The following SMIM17 variants were observed in gnomAD, a reference collection of about 807,000 sequenced individuals.
The protein encoded by SMIM17 is small integral membrane protein 17.
A neutral mutation model predicts 12.2 loss-of-function variants in SMIM17; 10 were observed. The ratio of observed to expected loss-of-function variants is 0.82; its 90% CI spans 0.50 to 1.39. The LOEUF (loss-of-function observed/expected upper bound fraction) is 1.39. Ranked by LOEUF, SMIM17 falls within the 40% of genes most tolerant of loss-of-function variation. The pLI, the probability that SMIM17 is intolerant of heterozygous loss-of-function variation, is 0.00. For synonymous variants in SMIM17, 50 were observed against 44.1 expected, an observed-to-expected ratio of 1.13 and a Z score of -0.53; for missense variants, 136 against 118.2, an observed-to-expected ratio of 1.15 and a Z score of -0.70.
chr19:56,645,682 G>A lies in SMIM17; in HGVS notation c.15G>A (p.Arg5=). ...CTCCTGGGGCAATGCAGAGTCTCAG[G>A]CCTGAGCAGACACGGGGGCTGCTGG... MQSL[R]PEQTRGLLEP... The change falls in exon 2 of 4, where the codon AGG becomes AGA. Residue 5 remains arginine, a synonymous_variant. Transcript: ENST00000598409. The A allele has an allele frequency of 6.5e-7, 1 of 1,531,558 alleles. No homozygotes were observed. Among genetic ancestry groups the A allele is most frequent in the Non-Finnish European group, 8.7e-7 (1 of 1,145,296 alleles). The allele number at this position is 1,531,558 out of a possible 1,614,324, so 94.9% of individuals were successfully genotyped here.
At chr19:56,654,638 T>G (rs1298044055) in intron 3 of SMIM17, among the ~76,000 whole-genome samples, 1 of 152,044 alleles carries the variant, frequency 6.6e-6, no homozygotes, top group African/African-American at 2.4e-5. Context: ...GAAGGGGTAA[T>G]GGGAGGAAAA....
At chr19:56,645,129 G>A (rs1387343335) in intron 1 of SMIM17, among the ~76,000 whole-genome samples, 1 of 116,682 alleles carries the variant, frequency 8.6e-6, no homozygotes, top group East Asian at 2.6e-4. Flanking sequence ...ATGTGTGTGA[G>A]TATGAATGTG....
intron 3 of SMIM17, among the ~76,000 whole-genome samples, chr19:56,648,239 C>A (rs895451200): frequency 6.6e-6 from 1 of 151,142 alleles, no homozygotes; most frequent in Non-Finnish European, 1.5e-5. Context: ...ACCCATAAAC[C>A]CTCCCTTCCA....
At chr19:56,644,664 T>C (rs118049048) in intron 1 of SMIM17, among the ~76,000 whole-genome samples, 2,687 of 152,340 alleles carry the variant, frequency 0.018, 43 homozygotes, top group Non-Finnish European at 0.029. Context: ...CCCCATGCCA[T>C]ATATCCACTG....
At chr19:56,650,190 C>T (rs764497606) in intron 3 of SMIM17, among the ~76,000 whole-genome samples, 4 of 152,032 alleles carry the variant, frequency 2.6e-5, no homozygotes, top group Non-Finnish European at 5.9e-5. Context: ...TTTTTTGAGA[C>T]GGAATCTCGC....
At chr19:56,654,598 G>T (rs143327575) in intron 3 of SMIM17, among the ~76,000 whole-genome samples, 68 of 152,308 alleles carry the variant, frequency 4.5e-4, no homozygotes, top group African/African-American at 1.6e-3. Flanking sequence ...GAGAGTCAAG[G>T]ATACAACAAT....
chr19:56,655,253 A>G lies in SMIM17; in HGVS notation c.*40A>G. On this transcript the variant is annotated 3_prime_UTR_variant, in exon 4 of 4. Coordinates refer to ENST00000598409, the MANE Select transcript of SMIM17 (RefSeq NM_001193628.2). Reference sequence around the variant, plus strand: ...GTTGTTTTAAAAGTTTAATTTAATGAAATAGATGCCCTATGTCATGTTAAG... The same window carrying G: ...GTTGTTTTAAAAGTTTAATTTAATGGAATAGATGCCCTATGTCATGTTAAG... 1 of 692,954 alleles carries G rather than the reference A, an allele frequency of 1.4e-6. No individual in the cohort carries two copies. Among genetic ancestry groups the G allele is most frequent in the Non-Finnish European group, 2.6e-6 (1 of 378,368 alleles). The allele number at this position is 692,954 out of a possible 1,614,324, so 42.9% of individuals were successfully genotyped here. A position where few individuals can be genotyped will look rare whatever the true frequency, so the allele number is the denominator to read the frequency against.
rs1270239802 is a variant in SMIM17, at chr19:56,655,991, A to G, written c.*778A>G. Among the ~76,000 whole-genome samples, 1 of 142,214 alleles carries G rather than the reference A, an allele frequency of 7.0e-6. No individual in the cohort carries two copies. Among genetic ancestry groups the G allele is most frequent in the Non-Finnish European group, 1.5e-5 (1 of 66,632 alleles). The allele number at this position is 142,214 out of a possible 152,430, so 93.3% of individuals were successfully genotyped here. On this transcript the variant is annotated 3_prime_UTR_variant, in exon 4 of 4. Transcript: ENST00000598409. ...TTTTGAGACCGAGTCTCACTCTGTC[A>G]CCCAGTCTGGAGTGCAGTGGCGCCA...
In SMIM17 at chr19:56,655,287, C is replaced by G; in HGVS notation, c.*74C>G. 1.6e-6 allele frequency: 1 copy of G among 620,208 alleles called. No homozygotes were observed. The highest frequency in any genetic ancestry group is 3.0e-6 in the Non-Finnish European group (1 of 337,194). 38.4% of individuals were successfully genotyped at this position (620,208 alleles called of 1,614,324 possible). A position where few individuals can be genotyped will look rare whatever the true frequency, so the allele number is the denominator to read the frequency against. ...CCCTATGTCATGTTAAGGAATTGTG[C>G]TAGTTAAAAATCAGGAATAGGTGTT... On this transcript the variant is annotated 3_prime_UTR_variant, in exon 4 of 4. Coordinates refer to ENST00000598409, the MANE Select transcript of SMIM17 (RefSeq NM_001193628.2).
chr19:56,645,687 A>G lies in SMIM17; in HGVS notation c.20A>G (p.Glu7Gly), dbSNP rs1393980434. MQSLRP[E>G]QTRGLLEPER... ...GGGGCAATGCAGAGTCTCAGGCCTG[A>G]GCAGACACGGGGGCTGCTGGAGCCT... The change falls in exon 2 of 4, where the codon GAG becomes GGG. Residue 7 changes from glutamate (E) to glycine (G), a missense_variant. Transcript: ENST00000598409. The G allele has an allele frequency of 6.5e-7, 1 of 1,532,922 alleles. No individual in the cohort carries two copies. Among genetic ancestry groups the G allele is most frequent in the Non-Finnish European group, 8.7e-7 (1 of 1,145,930 alleles). 95.0% of individuals were successfully genotyped at this position (1,532,922 alleles called of 1,614,324 possible).
intron 3 of SMIM17, among the ~76,000 whole-genome samples, chr19:56,649,389 T>A (rs564718665): frequency 1.3e-5 from 2 of 152,248 alleles, no homozygotes; most frequent in African/African-American, 4.8e-5. Context: ...ACAGAAGTGG[T>A]CCCTGCCTTC....
chr19:56,652,101 C>CAAAAAA (rs57264842), intron 3 of SMIM17, among the ~76,000 whole-genome samples: 1 of 66,856 alleles, frequency 1.5e-5, no homozygotes, highest in Non-Finnish European at 2.6e-5. Context: ...GAGACTCTGC[C>CAAAAAA]AAAAAAAAAA....
At chr19:56,646,472 A>T (rs748816262) in intron 2 of SMIM17, among the ~76,000 whole-genome samples, 1 of 152,144 alleles carries the variant, frequency 6.6e-6, no homozygotes, top group Non-Finnish European at 1.5e-5. Flanking sequence ...TGCTGCTGTT[A>T]TCTTGTGGGG....
At chr19:56,653,308 A>T (rs535073295) in intron 3 of SMIM17, among the ~76,000 whole-genome samples, 2 of 152,230 alleles carry the variant, frequency 1.3e-5, no homozygotes, top group South Asian at 4.1e-4. Flanking sequence ...TTTAATTCCA[A>T]AAAAGGAAAT....
At chr19:56,653,904 A>G (rs1375859386) in intron 3 of SMIM17, among the ~76,000 whole-genome samples, 5 of 152,166 alleles carry the variant, frequency 3.3e-5, no homozygotes, top group Admixed American at 3.3e-4. Context: ...GATTTTTTTC[A>G]GTGTTCACCA....
At chr19:56,652,420 C>T (rs907510672) in intron 3 of SMIM17, among the ~76,000 whole-genome samples, 1 of 151,878 alleles carries the variant, frequency 6.6e-6, no homozygotes, top group Non-Finnish European at 1.5e-5. Flanking sequence ...TTTGGGAGGC[C>T]GAGGTGGGTG....
Position 56,655,301 on chromosome 19 carries a change from G to T in SMIM17, c.*88G>T. The stretch of plus-strand genomic sequence containing the variant: ...AAGGAATTGTGCTAGTTAAAAATCA[G>T]GAATAGGTGTTGAATATTTTCAAAT... On this transcript the variant is annotated 3_prime_UTR_variant, in exon 4 of 4. Transcript: ENST00000598409. The T allele has an allele frequency of 1.7e-6, 1 of 579,198 alleles. No homozygotes were observed. Among genetic ancestry groups the T allele is most frequent in the Non-Finnish European group, 3.2e-6 (1 of 317,412 alleles). The allele number at this position is 579,198 out of a possible 1,614,324, so 35.9% of individuals were successfully genotyped here.
Position 56,655,618 on chromosome 19 carries a change from A to T in SMIM17, c.*405A>T. On this transcript the variant is annotated 3_prime_UTR_variant, in exon 4 of 4. Coordinates refer to ENST00000598409, the MANE Select transcript of SMIM17 (RefSeq NM_001193628.2). ...GTGCACCAGTCTTTTCATACACTAG[A>T]TTATATTTATTGATATTTTATGTAG... 5.2e-6 allele frequency: 1 copy of T among 191,816 alleles called. No individual in the cohort carries two copies. The highest frequency in any genetic ancestry group is 1.1e-5 in the Non-Finnish European group (1 of 94,558). The allele number at this position is 191,816 out of a possible 1,614,324, so 11.9% of individuals were successfully genotyped here.
At position 56,656,166 on chromosome 19, in the gene SMIM17, G is replaced by A. The variant is rs893304359; in HGVS notation, c.*953G>A. On this transcript the variant is annotated 3_prime_UTR_variant, in exon 4 of 4. Transcript: ENST00000598409. The stretch of plus-strand genomic sequence containing the variant: ...TCACCGTGTTAGCCAGGATGGTCTC[G>A]ATCTCCTGACCTCGTGATCCGCCCG... 4.0e-5 allele frequency among the ~76,000 whole-genome samples: 6 copies of A among 151,772 alleles called. No individual in the cohort carries two copies. The highest frequency in any genetic ancestry group is 2.9e-5 in the Non-Finnish European group (2 of 67,960).
Sources: gnomAD v4.1 joint callset for allele counts (sites outside exome capture counted in the v4.1 genomes callset) on GRCh38, gnomAD v4.1.1 for gene constraint, MANE v1.5 for transcripts, NCBI Gene and HGNC (gene_info 2026-07-23, HGNC 2026-07-21) for gene names.